The following PLXNA4 variants were observed in gnomAD, a reference collection of about 807,000 sequenced individuals.
PLXNA4 encodes plexin-A4.
Under a neutral mutation model 191.8 loss-of-function variants are expected in PLXNA4, and 44 were observed. The ratio of observed to expected loss-of-function variants is 0.23; its 90% CI spans 0.18 to 0.29. The LOEUF is 0.29. Among genes scored for constraint, PLXNA4 ranks in the 10% least tolerant of loss-of-function variants. PLXNA4 has a pLI of 1.00. For synonymous variants in PLXNA4, 1,082 were observed against 1,009.5 expected, an observed-to-expected ratio of 1.07 and a Z score of -1.36; for missense variants, 1,800 against 2,488.8, an observed-to-expected ratio of 0.72 and a Z score of 5.89.
intron 1 of PLXNA4, among the ~76,000 whole-genome samples, chr7:132,554,414 A>G (rs1326716511): frequency 6.6e-6 from 1 of 152,086 alleles, no homozygotes; most frequent in East Asian, 1.9e-4. Context: ...TTCAAAATAC[A>G]CTGACACACT....
chr7:132,440,367 C>T (rs1795650521), intron 3 of PLXNA4, among the ~76,000 whole-genome samples: 1 of 152,184 alleles, frequency 6.6e-6, no homozygotes, highest in Admixed American at 6.5e-5. Context: ...GTATACTCTC[C>T]CCACACCCAG....
chr7:132,151,257 A>G (rs1426238086), intron 25 of PLXNA4, among the ~76,000 whole-genome samples: 9 of 118,586 alleles, frequency 7.6e-5, no homozygotes, highest in African/African-American at 1.8e-4. Flanking sequence ...GAGGAAGAAG[A>G]AGGAGGAGGA....
chr7:132,427,512 T>C (rs560407355), intron 3 of PLXNA4, among the ~76,000 whole-genome samples: 8 of 152,204 alleles, frequency 5.3e-5, no homozygotes, highest in Non-Finnish European at 1.0e-4. Flanking sequence ...TGGGTGACAA[T>C]TGTGGGGGCC....
intron 1 of PLXNA4, among the ~76,000 whole-genome samples, chr7:132,563,703 CCT>C (rs1801512056): frequency 7.9e-6 from 1 of 126,128 alleles, no homozygotes. Context: ...TCCTTCTCCT[CCT>C]CCTCCTTCTC....
intron 4 of PLXNA4, among the ~76,000 whole-genome samples, chr7:132,258,127 G>A (rs974087595): frequency 6.6e-6 from 1 of 152,252 alleles, no homozygotes; most frequent in Non-Finnish European, 1.5e-5. Flanking sequence ...CTCATGTCGG[G>A]TCACTGAGAC....
intron 1 of PLXNA4, among the ~76,000 whole-genome samples, chr7:132,524,367 C>G (rs12112551): frequency 6.6e-6 from 1 of 152,162 alleles, no homozygotes; most frequent in African/African-American, 2.4e-5. Context: ...ATAAACTTCA[C>G]AAATTCCCAA....
chr7:132,253,205 G>C (rs577327603), intron 4 of PLXNA4, among the ~76,000 whole-genome samples: 1 of 150,454 alleles, frequency 6.6e-6, no homozygotes, highest in South Asian at 2.1e-4. Flanking sequence ...ATTTATTTTA[G>C]GGTGACAGCT....
At chr7:132,496,042 C>CG (rs1563133288) in intron 2 of PLXNA4, among the ~76,000 whole-genome samples, 2 of 152,114 alleles carry the variant, frequency 1.3e-5, no homozygotes, top group Non-Finnish European at 2.9e-5. Context: ...ATGGACAGAC[C>CG]TGGGCCATGA....
At chr7:132,517,778 T>C (rs1340929923) in intron 1 of PLXNA4, among the ~76,000 whole-genome samples, 1 of 152,146 alleles carries the variant, frequency 6.6e-6, no homozygotes, top group African/African-American at 2.4e-5. Flanking sequence ...ATTTCCAAGT[T>C]TGGGGCTCAG....
chr7:132,178,675 G>T (rs924973497), intron 20 of PLXNA4, among the ~76,000 whole-genome samples: 5 of 150,638 alleles, frequency 3.3e-5, no homozygotes, highest in Admixed American at 1.3e-4. Context: ...CAGCTGCCTG[G>T]CCTGCTTGCT....
At chr7:132,395,002 G>A (rs548447515) in intron 3 of PLXNA4, among the ~76,000 whole-genome samples, 124 of 152,324 alleles carry the variant, frequency 8.1e-4, no homozygotes, top group Middle Eastern at 6.8e-3. Flanking sequence ...CTGCCTTTCC[G>A]GGGCAGGTGT....
intron 2 of PLXNA4, among the ~76,000 whole-genome samples, chr7:132,616,039 A>T (rs1352533625): frequency 6.7e-6 from 1 of 150,108 alleles, no homozygotes; most frequent in African/African-American, 2.5e-5. Flanking sequence ...CTTGGAGTGG[A>T]TCCCTCAAAA....
chr7:132,394,814 T>A (rs1428096992), intron 3 of PLXNA4, among the ~76,000 whole-genome samples: 1 of 152,228 alleles, frequency 6.6e-6, no homozygotes, highest in Non-Finnish European at 1.5e-5. Flanking sequence ...ACCCACTGCA[T>A]GTGCAGTCCT....
At chr7:132,322,852 C>A (rs1419855595) in intron 3 of PLXNA4, among the ~76,000 whole-genome samples, 1 of 152,174 alleles carries the variant, frequency 6.6e-6, no homozygotes, top group Non-Finnish European at 1.5e-5. Context: ...GGTTTGGATA[C>A]CACTGTTCTG....
Position 132,562,643 on chromosome 7 carries a change from TCTC to T in PLXNA4, c.-87+13776_-87+13778del, listed in dbSNP as rs771030469. ...TCTTCCTCCTCCTTCTCCTCCTCTTTCTCCTCCTCCTCCTCCTTCTCTTCCTCC... is the reference window on the plus strand; with the variant it reads ...TCTTCCTCCTCCTTCTCCTCCTCTTTCTCCTCCTCCTCCTTCTCTTCCTCC... On this transcript the variant is annotated intron_variant, in intron 1 of 31. Coordinates refer to ENST00000321063, the MANE Select transcript of PLXNA4 (RefSeq NM_020911.2). 4.3e-3 allele frequency among the ~76,000 whole-genome samples: 201 copies of T among 46,266 alleles called. 3 individuals carry two copies. The highest frequency in any genetic ancestry group is 0.017 in the African/African-American group (176 of 10,278). The allele number at this position is 46,266 out of a possible 152,430, so 30.4% of individuals were successfully genotyped here.
intron 3 of PLXNA4, chr7:132,384,745 TACACACACACACACACACAC>T (rs10535106): frequency 1.2e-5 from 12 of 995,110 alleles, no homozygotes; most frequent in African/African-American, 5.7e-5. Flanking sequence ...CAGATAAGCA[TACACACACACACACACACAC>T]ACACACACAC....
intron 3 of PLXNA4, chr7:132,367,750 G>A (rs952620201): frequency 1.3e-5 from 2 of 152,300 alleles, no homozygotes; most frequent in Admixed American, 6.5e-5. Context: ...AAGACCAACA[G>A]AGAATGAGAA....
At position 132,184,663 on chromosome 7, in the gene PLXNA4, G is replaced by A. The variant is rs568050249; in HGVS notation, c.3158+636C>T. On this transcript the variant is annotated intron_variant, in intron 16 of 31. Transcript: ENST00000321063. Reference sequence around the variant, plus strand: ...GAAGGTCCCCAAGTCCCTGCCCTAGGGCCTTTCTATACCAACATTCAATGC... The same window carrying A: ...GAAGGTCCCCAAGTCCCTGCCCTAGAGCCTTTCTATACCAACATTCAATGC... 9.9e-5 allele frequency among the ~76,000 whole-genome samples: 15 copies of A among 152,236 alleles called. No homozygotes were observed. The South Asian group carries it at 3.1e-3, about 32-fold the overall frequency.
intron 1 of PLXNA4, among the ~76,000 whole-genome samples, chr7:132,546,116 C>T (rs1329434046): frequency 6.6e-6 from 1 of 152,174 alleles, no homozygotes; most frequent in Admixed American, 6.5e-5. Context: ...ATGTTTTGGC[C>T]ATCACCCAAG....
Sources: allele counts gnomAD v4.1 joint callset (sites outside exome capture counted in the v4.1 genomes callset), GRCh38; gene constraint gnomAD v4.1.1; transcripts MANE v1.5; gene names NCBI Gene and HGNC (gene_info 2026-07-23, HGNC 2026-07-21).